CDK14: variants seen among roughly 807,000 people sequenced by gnomAD.
The protein encoded by CDK14 is cyclin dependent kinase 14, also known as cyclin-dependent kinase 14.
In CDK14, 34 loss-of-function variants were observed where a neutral mutation model predicts 60.7. That is an observed-to-expected ratio of 0.56 (90% CI 0.43 to 0.75). The LOEUF (loss-of-function observed/expected upper bound fraction) is 0.75. Ranked by LOEUF, CDK14 falls within the 30% of genes least tolerant of loss-of-function variation. The probability of loss-of-function intolerance (pLI) is 0.00; values close to 1 mark genes in which losing one functional copy is unlikely to be tolerated. For synonymous variants in CDK14, 197 were observed against 203.7 expected (o/e 0.97, Z 0.28); for missense variants, 482 against 564.1 (o/e 0.85, Z 1.47).
chr7:90,826,612 T>A (rs1051907301), intron 5 of CDK14, among the ~76,000 whole-genome samples: 1 of 152,136 alleles, frequency 6.6e-6, no homozygotes. Flanking sequence ...TTGGGGGAGT[T>A]TTTTGTTTTT....
At chr7:90,750,034 C>T (rs909995516) in intron 4 of CDK14, among the ~76,000 whole-genome samples, 5 of 151,956 alleles carry the variant, frequency 3.3e-5, no homozygotes, top group South Asian at 4.2e-4. Context: ...ACCAAACAGC[C>T]GTATGTAAAA....
At position 90,874,383 on chromosome 7, in the gene CDK14, A is replaced by G. The variant is rs117157573; in HGVS notation, c.639+11114A>G. 3.6e-3 allele frequency among the ~76,000 whole-genome samples: 553 copies of G among 152,016 alleles called. 5 individuals carry two copies. Among genetic ancestry groups the G allele is most frequent in the Non-Finnish European group, 4.7e-3 (317 of 67,976 alleles). On this transcript the variant is annotated intron_variant, in intron 6 of 14. Transcript: ENST00000380050. ...TTTTTCAGTTCCATTGTTTCTGTTAAGCTATTTCTCTTTATTTCTAGTGTC... is the reference window on the plus strand; with the variant it reads ...TTTTTCAGTTCCATTGTTTCTGTTAGGCTATTTCTCTTTATTTCTAGTGTC...
chr7:90,883,132 A>AT (rs1554364425), intron 6 of CDK14, among the ~76,000 whole-genome samples: 1 of 150,878 alleles, frequency 6.6e-6, no homozygotes, highest in Non-Finnish European at 1.5e-5. Context: ...TAAAAAAAAA[A>AT]CTCCAAAAAA....
At chr7:90,989,480 C>T (rs1795472219) in intron 10 of CDK14, among the ~76,000 whole-genome samples, 1 of 151,474 alleles carries the variant, frequency 6.6e-6, no homozygotes, top group African/African-American at 2.4e-5. Flanking sequence ...CCTGTAGTCT[C>T]TGTAGCACTA....
At position 90,596,535 on chromosome 7, in the gene CDK14, A is replaced by C; in HGVS notation, c.-93A>C. On this transcript the variant is annotated 5_prime_UTR_variant, in exon 1 of 15. Transcript: ENST00000380050. ...CCCGCCGAGGAGGTGGTGGAGGAGG[A>C]GGCGCCGCTTTCCCCGCGGCGCGCG... The C allele has an allele frequency of 9.9e-7, 1 of 1,007,102 alleles. No individual in the cohort carries two copies. The highest frequency in any genetic ancestry group is 1.5e-6 in the Non-Finnish European group (1 of 657,822). 62.4% of individuals were successfully genotyped at this position (1,007,102 alleles called of 1,614,324 possible). A position where few individuals can be genotyped will look rare whatever the true frequency, so the allele number is the denominator to read the frequency against.
At chr7:90,772,088 T>A (rs1804807177) in intron 4 of CDK14, among the ~76,000 whole-genome samples, 1 of 152,196 alleles carries the variant, frequency 6.6e-6, no homozygotes, top group Non-Finnish European at 1.5e-5. Context: ...TTGGATATAG[T>A]CTCTGTACCT....
At chr7:90,640,239 G>A (rs1215472178) in intron 2 of CDK14, among the ~76,000 whole-genome samples, 1 of 152,080 alleles carries the variant, frequency 6.6e-6, no homozygotes, top group African/African-American at 2.4e-5. Context: ...GTAGACCGGA[G>A]CTGTTCCTAT....
At chr7:90,642,835 T>C (rs578183478) in intron 2 of CDK14, among the ~76,000 whole-genome samples, 8 of 152,322 alleles carry the variant, frequency 5.3e-5, no homozygotes, top group African/African-American at 1.7e-4. Context: ...AGTATCAAAG[T>C]AAATTATTGT....
chr7:90,667,630 C>T (rs548279596), intron 2 of CDK14, among the ~76,000 whole-genome samples: 104 of 151,072 alleles, frequency 6.9e-4, no homozygotes, highest in African/African-American at 2.5e-3. Context: ...AGTACAGTGG[C>T]GCGGTCTCTG....
chr7:90,955,765 C>T lies in CDK14; in HGVS notation c.895C>T (p.Pro299Ser). 1 of 1,613,532 alleles carries T rather than the reference C, an allele frequency of 6.2e-7. No individual in the cohort carries two copies. Among genetic ancestry groups the T allele is most frequent in the Non-Finnish European group, 8.5e-7 (1 of 1,179,520 alleles). ...SNEVVTLWYR[P>S]PDVLLGSTEY... The stretch of plus-strand genomic sequence containing the variant: ...CGAAGTGGTTACCTTGTGGTACAGA[C>T]CTCCAGATGTCCTTCTAGGCTCAAC... The change falls in exon 9 of 15, where the codon CCT becomes TCT. Residue 299 changes from proline (P) to serine (S), a missense_variant. Transcript: ENST00000380050.
intron 4 of CDK14, among the ~76,000 whole-genome samples, chr7:90,783,479 C>T (rs528485472): frequency 2.0e-4 from 31 of 152,068 alleles, no homozygotes; most frequent in African/African-American, 7.2e-4. Flanking sequence ...GAAGAGACAG[C>T]CTACAGAATG....
intron 6 of CDK14, among the ~76,000 whole-genome samples, chr7:90,881,783 C>A (rs554907464): frequency 2.0e-5 from 3 of 152,152 alleles, no homozygotes; most frequent in Non-Finnish European, 4.4e-5. Flanking sequence ...GGCCAATATT[C>A]AATATTCTTA....
At chr7:90,710,731 G>C (rs1158872559) in intron 2 of CDK14, among the ~76,000 whole-genome samples, 1 of 152,060 alleles carries the variant, frequency 6.6e-6, no homozygotes, top group Non-Finnish European at 1.5e-5. Context: ...CGTGGTAGCA[G>C]ACAGCCTACT....
At chr7:90,996,636 A>G (rs1471444192) in intron 10 of CDK14, among the ~76,000 whole-genome samples, 1 of 152,186 alleles carries the variant, frequency 6.6e-6, no homozygotes, top group Non-Finnish European at 1.5e-5. Flanking sequence ...AATGACAGTC[A>G]TACGTTTCCA....
At chr7:90,842,430 A>G (rs1298741670) in intron 5 of CDK14, among the ~76,000 whole-genome samples, 2 of 152,212 alleles carry the variant, frequency 1.3e-5, no homozygotes, top group Admixed American at 1.3e-4. Context: ...TGTGCACCAG[A>G]AAGTGATCTG....
chr7:91,011,669 G>A (rs1796162355), intron 10 of CDK14, among the ~76,000 whole-genome samples: 1 of 151,908 alleles, frequency 6.6e-6, no homozygotes, highest in Admixed American at 6.6e-5. Flanking sequence ...TCAGTTTGAA[G>A]CATTTCTGTT....
intron 11 of CDK14, among the ~76,000 whole-genome samples, chr7:91,058,059 G>C (rs1797645019): frequency 6.6e-6 from 1 of 152,170 alleles, no homozygotes; most frequent in Non-Finnish European, 1.5e-5. Flanking sequence ...TCTTCCATTT[G>C]TTTGTATCCT....
At chr7:90,808,814 A>G (rs1363259273) in intron 5 of CDK14, among the ~76,000 whole-genome samples, 3 of 152,228 alleles carry the variant, frequency 2.0e-5, no homozygotes, top group East Asian at 3.8e-4. Flanking sequence ...AGGGGTTGCA[A>G]TCCTAGTCTG....
At chr7:90,783,895 A>G (rs1489795763) in intron 4 of CDK14, among the ~76,000 whole-genome samples, 2 of 152,070 alleles carry the variant, frequency 1.3e-5, no homozygotes, top group African/African-American at 4.8e-5. Context: ...TAGAACTACC[A>G]TATCATCCAG....
Sources: allele counts gnomAD v4.1 joint callset (sites outside exome capture counted in the v4.1 genomes callset), GRCh38; gene constraint gnomAD v4.1.1; transcripts MANE v1.5; gene names NCBI Gene and HGNC (gene_info 2026-07-23, HGNC 2026-07-21).